The following ASIC2 variants were observed in gnomAD, a reference collection of about 807,000 sequenced individuals.
The protein encoded by ASIC2 is acid sensing ion channel subunit 2.
In ASIC2, 25 loss-of-function variants were observed where a neutral mutation model predicts 57.3. The ratio of observed to expected loss-of-function variants is 0.44; its 90% confidence interval spans 0.32 to 0.61. ASIC2 has a LOEUF of 0.61. ASIC2 is among the 20% of genes least tolerant of loss of function. The probability of loss-of-function intolerance (pLI) is 0.06; values close to 1 mark genes in which losing one functional copy is unlikely to be tolerated. For missense variants in ASIC2, 641 were observed against 738.1 expected (o/e 0.87, Z 1.52); for synonymous variants, 319 against 307.5 (o/e 1.04, Z -0.39).
At chr17:33,513,635 G>C (rs1914486773) in intron 1 of ASIC2, among the ~76,000 whole-genome samples, 1 of 152,198 alleles carries the variant, frequency 6.6e-6, no homozygotes. Flanking sequence ...TGTCTTCACT[G>C]ATTTGGGGCA....
intron 1 of ASIC2, among the ~76,000 whole-genome samples, chr17:33,610,896 C>T (rs574213196): frequency 6.6e-6 from 1 of 152,156 alleles, no homozygotes; most frequent in Non-Finnish European, 1.5e-5. Flanking sequence ...CCCTGTCTCA[C>T]AAACAACAAC....
chr17:33,291,459 C>G lies in ASIC2; in HGVS notation c.657G>C (p.Leu219=). 3 of 1,611,774 alleles carry G rather than the reference C, an allele frequency of 1.9e-6. No homozygotes were observed. Among genetic ancestry groups the G allele is most frequent in the Non-Finnish European group, 2.5e-6 (3 of 1,179,418 alleles). Residue 219 remains leucine (L), a synonymous_variant, in exon 1 of 10, where the codon CTG becomes CTC. Coordinates refer to ENST00000225823, the MANE Select transcript of ASIC2 (RefSeq NM_183377.2). ...GCTCGCCGCGGTACTTGCAGGAGAG[C>G]AGCATGTCCTCCAGCTGGTGGCCCA... ...DRLGHQLEDM[L]LSCKYRGELC... is the part of the protein sequence containing the mutation.
intron 1 of ASIC2, among the ~76,000 whole-genome samples, chr17:33,436,850 C>CTTA: frequency 1.3e-5 from 1 of 76,038 alleles, no homozygotes; most frequent in Non-Finnish European, 2.7e-5. Context: ...CACATTCCAA[C>CTTA]TTCTTTTTTT....
intron 1 of ASIC2, among the ~76,000 whole-genome samples, chr17:33,478,267 A>G (rs553030206): frequency 6.6e-6 from 1 of 152,204 alleles, no homozygotes; most frequent in South Asian, 2.1e-4. Flanking sequence ...TTAGGGGTAA[A>G]CTGTTCATGT....
At chr17:34,124,152 C>A (rs929086386) in intron 1 of ASIC2, among the ~76,000 whole-genome samples, 2 of 152,064 alleles carry the variant, frequency 1.3e-5, no homozygotes, top group Non-Finnish European at 2.9e-5. Flanking sequence ...TATTATTTTT[C>A]TCACCATTTT....
At chr17:33,242,261 G>A (rs1908533632) in intron 1 of ASIC2, among the ~76,000 whole-genome samples, 2 of 151,206 alleles carry the variant, frequency 1.3e-5, no homozygotes, top group Middle Eastern at 3.4e-3. Flanking sequence ...AGCTTGCAGT[G>A]AGCCGAGATC....
chr17:33,314,956 G>A (rs550997476), intron 1 of ASIC2, among the ~76,000 whole-genome samples: 1 of 152,122 alleles, frequency 6.6e-6, no homozygotes, highest in South Asian at 2.1e-4. Context: ...TCATTTCAAA[G>A]GGATTAAGGA....
chr17:33,645,102 C>T (rs1455981719), intron 1 of ASIC2, among the ~76,000 whole-genome samples: 6 of 152,304 alleles, frequency 3.9e-5, no homozygotes, highest in African/African-American at 1.2e-4. Context: ...CTCCTAACTA[C>T]TCAGTAATAG....
intron 1 of ASIC2, among the ~76,000 whole-genome samples, chr17:33,727,305 G>A (rs184937241): frequency 6.6e-6 from 1 of 152,306 alleles, no homozygotes; most frequent in East Asian, 1.9e-4. Flanking sequence ...ATGTCTATAT[G>A]CAGGAACTTC....
At chr17:33,279,474 G>C (rs999577328) in intron 1 of ASIC2, among the ~76,000 whole-genome samples, 2 of 152,174 alleles carry the variant, frequency 1.3e-5, no homozygotes, top group Non-Finnish European at 2.9e-5. Context: ...CAGGAGGATG[G>C]GAAGAGGGAG....
intron 1 of ASIC2, among the ~76,000 whole-genome samples, chr17:33,643,649 T>C (rs1906651663): frequency 6.6e-6 from 1 of 152,230 alleles, no homozygotes; most frequent in Admixed American, 6.5e-5. Context: ...CCTCTTTCTA[T>C]ACTAGCTCCC....
chr17:33,294,800 A>G (rs1396373285), upstream of ASIC2, among the ~76,000 whole-genome samples: 1 of 152,142 alleles, frequency 6.6e-6, no homozygotes, highest in African/African-American at 2.4e-5. Flanking sequence ...GGAAAAAGCT[A>G]TTGCAGTTGG....
chr17:33,851,219 A>C (rs1178613895), intron 1 of ASIC2, among the ~76,000 whole-genome samples: 1 of 152,112 alleles, frequency 6.6e-6, no homozygotes, highest in Non-Finnish European at 1.5e-5. Context: ...TCTCAAGGAG[A>C]AGCTTTCTTA....
intron 1 of ASIC2, among the ~76,000 whole-genome samples, chr17:33,766,929 T>C (rs1178284201): frequency 1.3e-5 from 2 of 152,272 alleles, no homozygotes; most frequent in African/African-American, 4.8e-5. Flanking sequence ...ATATAAGCAT[T>C]GTCAAAGACA....
intron 1 of ASIC2, among the ~76,000 whole-genome samples, chr17:33,537,869 C>T (rs958765620): frequency 2.6e-5 from 4 of 152,110 alleles, no homozygotes; most frequent in Admixed American, 2.0e-4. Flanking sequence ...CTAGGAGGGG[C>T]AATAGGAACA....
Position 33,747,891 on chromosome 17 carries a change from G to A in ASIC2, c.555+408087C>T, listed in dbSNP as rs181539076. Among the ~76,000 whole-genome samples the A allele has an allele frequency of 2.6e-4, 39 of 152,228 alleles. No homozygotes were observed. The East Asian group carries it at 7.0e-3, about 27-fold the overall frequency. On this transcript the variant is annotated intron_variant, in intron 1 of 9. Transcript: ENST00000359872. ...AACTCCATCCCCTGACATCATCCCC[G>A]CATCTTCAAGTCACTTTAGTTTTAG...
chr17:33,353,330 T>A (rs1908255367), intron 1 of ASIC2, among the ~76,000 whole-genome samples: 1 of 152,092 alleles, frequency 6.6e-6, no homozygotes, highest in Admixed American at 6.6e-5. Flanking sequence ...CATAAGTCTC[T>A]ATCTATTCTT....
intron 1 of ASIC2, among the ~76,000 whole-genome samples, chr17:33,653,656 C>T (rs572378729): frequency 2.8e-4 from 43 of 152,146 alleles, no homozygotes; most frequent in Non-Finnish European, 5.4e-4. Flanking sequence ...GTTCCAGTTT[C>T]CCAGAAGCTT....
intron 1 of ASIC2, among the ~76,000 whole-genome samples, chr17:33,909,154 C>T (rs1484408468): frequency 6.6e-6 from 1 of 152,146 alleles, no homozygotes; most frequent in Non-Finnish European, 1.5e-5. Flanking sequence ...AGAGGCATCT[C>T]CATACCTCAG....
Sources: allele counts gnomAD v4.1 joint callset (sites outside exome capture counted in the v4.1 genomes callset), GRCh38; gene constraint gnomAD v4.1.1; transcripts MANE v1.5; gene names NCBI Gene and HGNC (gene_info 2026-07-23, HGNC 2026-07-21).